NLRP7: variants seen among roughly 807,000 people sequenced by gnomAD.
NLRP7 encodes the protein NLR family pyrin domain containing 7, also known as NACHT, LRR and PYD domains-containing protein 7.
A neutral mutation model predicts 85.5 loss-of-function variants in NLRP7; 72 were observed. The observed-to-expected ratio is 0.84, with a 90% CI of 0.70 to 1.02. NLRP7 has a LOEUF of 1.02. Among genes scored for constraint, NLRP7 ranks in the 50% least tolerant of loss-of-function variants. The probability of loss-of-function intolerance (pLI) is 0.00; values close to 1 mark genes in which losing one functional copy is unlikely to be tolerated. For missense variants in NLRP7, 1,243 were observed against 1,219.5 expected (o/e 1.02, Z -0.29); for synonymous variants, 550 against 505.2 (o/e 1.09, Z -1.19).
intron 1 of NLRP7, among the ~76,000 whole-genome samples, chr19:54,955,719 G>A (rs971335533): frequency 6.6e-6 from 1 of 151,248 alleles, no homozygotes; most frequent in Non-Finnish European, 1.5e-5. Flanking sequence ...TCCCGGAGTC[G>A]TAGGTTGCAG....
chr19:54,931,620 G>A (rs1244286536), intron 8 of NLRP7, among the ~76,000 whole-genome samples: 7 of 151,858 alleles, frequency 4.6e-5, no homozygotes, highest in African/African-American at 1.5e-4. Flanking sequence ...CTGGGGAGAC[G>A]GAGGTTGTGG....
chr19:54,950,575 G>T (rs890958310), upstream of NLRP7, among the ~76,000 whole-genome samples: 2 of 152,164 alleles, frequency 1.3e-5, no homozygotes, highest in African/African-American at 4.8e-5. Flanking sequence ...ACAAGGTAAA[G>T]AACTAAGTGC....
exon 5 of NLRP7, chr19:54,938,216 A>C (rs1255115064): frequency 2.5e-6 from 4 of 1,614,024 alleles, no homozygotes; most frequent in African/African-American, 1.3e-5. Flanking sequence ...TGCCGAGCCC[A>C]GTTCGGAATG....
intron 8 of NLRP7, among the ~76,000 whole-genome samples, chr19:54,931,828 G>T (rs1399638645): frequency 7.7e-6 from 1 of 130,430 alleles, no homozygotes; most frequent in Admixed American, 7.8e-5. Flanking sequence ...CCAGCCTGGT[G>T]ACAGAGAGAG....
At chr19:54,946,535 G>A (rs998724207) in intron 1 of NLRP7, among the ~76,000 whole-genome samples, 1 of 151,650 alleles carries the variant, frequency 6.6e-6, no homozygotes, top group African/African-American at 2.4e-5. Context: ...ATCTCATCCA[G>A]GCTGGAGTGC....
At chr19:54,947,329 A>AG (rs1346758179) in intron 1 of NLRP7, 140 bp downstream of exon 1, 1 of 611,992 alleles carries the variant, frequency 1.6e-6, no homozygotes, top group Non-Finnish European at 2.5e-6. Context: ...TCCGTCTCAA[A>AG]AAAAAAAAAA....
At chr19:54,948,870 T>C (rs1317308338), upstream of NLRP7, 1 of 166,710 alleles carries the variant, frequency 6.0e-6, no homozygotes, top group African/African-American at 2.4e-5. Context: ...CAGTGTATGT[T>C]GTGGAAAGCA....
chr19:54,929,937 A>AC (rs56414177), intron 9 of NLRP7, among the ~76,000 whole-genome samples: 83,079 of 150,196 alleles, frequency 0.55, 23,308 homozygotes, highest in East Asian at 0.72. Flanking sequence ...ACACTGTGAA[A>AC]CCCATCTCTA....
intron 1 of NLRP7, among the ~76,000 whole-genome samples, chr19:54,942,579 A>AGACGTGGT (rs1556732848): frequency 6.6e-6 from 1 of 151,796 alleles, no homozygotes; most frequent in African/African-American, 2.4e-5. Flanking sequence ...CAGAAATTAC[A>AGACGTGGT]GGCGGGTGCC....
chr19:54,950,166 G>A (rs1470805243), upstream of NLRP7, among the ~76,000 whole-genome samples: 8 of 151,492 alleles, frequency 5.3e-5, no homozygotes, highest in African/African-American at 1.9e-4. Context: ...GTGCATTCGT[G>A]TGCCAGGACT....
intron 9 of NLRP7, among the ~76,000 whole-genome samples, chr19:54,925,113 C>G (rs1049082534): frequency 1.3e-5 from 2 of 151,906 alleles, no homozygotes; most frequent in African/African-American, 4.8e-5. Context: ...GCTATGTTGC[C>G]CAGGCTGGTC....
chr19:54,945,148 C>G (rs1181560138), intron 1 of NLRP7, among the ~76,000 whole-genome samples: 1 of 146,246 alleles, frequency 6.8e-6, no homozygotes, highest in East Asian at 2.1e-4. Flanking sequence ...GAGGCTGAGG[C>G]AGGAGAATGG....
At chr19:54,966,130 T>G (rs564258023) in exon 1 of NLRP7, 1 of 151,536 alleles carries the variant, frequency 6.6e-6, no homozygotes, top group Non-Finnish European at 1.5e-5. Context: ...TCTGGGACTC[T>G]CGAAAGAACT....
chr19:54,956,231 TG>T (rs1258479307), intron 1 of NLRP7, among the ~76,000 whole-genome samples: 2 of 152,094 alleles, frequency 1.3e-5, no homozygotes, highest in African/African-American at 4.8e-5. Context: ...CAGTCAGTCT[TG>T]TGGGACTCAG....
rs370178971 is a variant in NLRP7 at position 54,936,250 on chromosome 19, G to A, written c.2300+11C>T. ...CCAGGTGCTGGGGAGAGCCGTGACC[G>A]TGAGACCCACCTCAGGTACTGCAGG... On this transcript the variant is annotated intron_variant, in intron 6 of 9. Transcript: ENST00000340844. The A allele has an allele frequency of 7.8e-5, 126 of 1,611,440 alleles. No homozygotes were observed. The highest frequency in any genetic ancestry group is 4.3e-4 in the African/African-American group (32 of 74,964).
chr19:54,949,920 T>C (rs1467549686), upstream of NLRP7, among the ~76,000 whole-genome samples: 1 of 151,836 alleles, frequency 6.6e-6, no homozygotes. Flanking sequence ...CTGGACAAAA[T>C]AGCAAGACCC....
At chr19:54,927,849 C>A (rs183446309) in intron 9 of NLRP7, 74 bp from the exon 10 acceptor site, 47 of 1,378,898 alleles carry the variant, frequency 3.4e-5, no homozygotes, top group Non-Finnish European at 4.7e-5. Context: ...CCCAACACTT[C>A]GGGAGGCCAA....
At chr19:54,946,299 C>T (rs1198924113) in intron 1 of NLRP7, among the ~76,000 whole-genome samples, 1 of 151,644 alleles carries the variant, frequency 6.6e-6, no homozygotes, top group African/African-American at 2.4e-5. Context: ...GCAACCTCCG[C>T]CTCCCGGGTT....
intron 1 of NLRP7, among the ~76,000 whole-genome samples, 182 bp downstream of exon 1, chr19:54,947,287 A>G (rs925666302): frequency 1.3e-5 from 2 of 151,892 alleles, no homozygotes; most frequent in Admixed American, 1.3e-4. Context: ...AGATCACGCC[A>G]CTGCACTCCA....
Sources: allele counts gnomAD v4.1 joint callset (sites outside exome capture counted in the v4.1 genomes callset), GRCh38; gene constraint gnomAD v4.1.1; transcripts MANE v1.5; gene names NCBI Gene and HGNC (gene_info 2026-07-23, HGNC 2026-07-21).